The following CACNA1E variants were observed in gnomAD, a reference collection of about 807,000 sequenced individuals.
CACNA1E encodes the protein calcium voltage-gated channel subunit alpha1 E.
CACNA1E carries 40 observed loss-of-function variants against 259.2 expected under a neutral mutation model. That is an observed-to-expected ratio of 0.15 (90% CI 0.12 to 0.20). The LOEUF (loss-of-function observed/expected upper bound fraction) is 0.20, where lower values mean the gene tolerates loss of function less well. Among genes scored for constraint, CACNA1E ranks in the 10% least tolerant of loss-of-function variants. The probability of loss-of-function intolerance (pLI) is 1.00; values close to 1 mark genes in which losing one functional copy is unlikely to be tolerated. For synonymous variants in CACNA1E, 1,104 were observed against 1,138.5 expected, an observed-to-expected ratio of 0.97 and a Z score of 0.61; for missense variants, 1,874 against 3,040.1, an observed-to-expected ratio of 0.62 and a Z score of 9.02.
chr1:181,679,403 A>G (rs1649701864), intron 7 of CACNA1E, among the ~76,000 whole-genome samples: 1 of 152,150 alleles, frequency 6.6e-6, no homozygotes, highest in South Asian at 2.1e-4. Flanking sequence ...GCTTTGTCCT[A>G]CACTCTGCTG....
At chr1:181,570,425 A>G (rs1403857530) in intron 3 of CACNA1E, among the ~76,000 whole-genome samples, 1 of 152,222 alleles carries the variant, frequency 6.6e-6, no homozygotes, top group Non-Finnish European at 1.5e-5. Context: ...GATTTCCCAG[A>G]ATCTCTGACC....
At position 181,360,244 on chromosome 1, in the gene CACNA1E, G is replaced by C. The variant is rs546175364; in HGVS notation, c.-15+42121G>C. On this transcript the variant is annotated intron_variant, in intron 1 of 11. Transcript: ENST00000524607. ...CCGTATGACCCAGCACTTCCACTCCGAGGCATATACCCCAAAGAACCAATA... is the reference window on the plus strand; with the variant it reads ...CCGTATGACCCAGCACTTCCACTCCCAGGCATATACCCCAAAGAACCAATA... Among the ~76,000 whole-genome samples the C allele has an allele frequency of 2.6e-5, 4 of 152,228 alleles. No individual in the cohort carries two copies. In the East Asian group the frequency reaches 7.7e-4, roughly 29 times the overall value.
At chr1:181,417,281 G>C (rs1041517974) in intron 2 of CACNA1E, among the ~76,000 whole-genome samples, 6 of 152,170 alleles carry the variant, frequency 3.9e-5, no homozygotes, top group African/African-American at 1.4e-4. Flanking sequence ...AGATAAAATA[G>C]TGACCTTTCA....
At chr1:181,375,550 C>A (rs1409721626) in intron 1 of CACNA1E, among the ~76,000 whole-genome samples, 5 of 152,182 alleles carry the variant, frequency 3.3e-5, no homozygotes, top group African/African-American at 4.8e-5. Context: ...ATTCTAGGAA[C>A]TATTCTAAAC....
At chr1:181,730,580 G>T (rs1386816402) in intron 18 of CACNA1E, among the ~76,000 whole-genome samples, 3 of 152,230 alleles carry the variant, frequency 2.0e-5, no homozygotes, top group Non-Finnish European at 2.9e-5. Context: ...AAAGGCAGAG[G>T]TCACTGCTCA....
intron 7 of CACNA1E, among the ~76,000 whole-genome samples, chr1:181,682,944 A>G (rs986128630): frequency 2.0e-5 from 3 of 152,204 alleles, no homozygotes; most frequent in African/African-American, 7.2e-5. Context: ...GGGCGGGAAC[A>G]CAGATCCAAA....
intron 7 of CACNA1E, among the ~76,000 whole-genome samples, chr1:181,692,155 G>T (rs1428595630): frequency 2.0e-5 from 3 of 152,096 alleles, no homozygotes; most frequent in Non-Finnish European, 2.9e-5. Flanking sequence ...ACTGCTGAAA[G>T]AAATCATAGA....
intron 18 of CACNA1E, among the ~76,000 whole-genome samples, chr1:181,730,549 G>C (rs1318972685): frequency 3.3e-5 from 5 of 152,206 alleles, no homozygotes; most frequent in Non-Finnish European, 5.9e-5. Context: ...AGGGTCTATG[G>C]CCAGGGCCTC....
At chr1:181,447,202 T>A (rs3845434) in intron 2 of CACNA1E, among the ~76,000 whole-genome samples, 1 of 149,928 alleles carries the variant, frequency 6.7e-6, no homozygotes, top group Non-Finnish European at 1.5e-5. Flanking sequence ...TTTGGGATTT[T>A]CCCCCCCTAT....
intron 39 of CACNA1E, among the ~76,000 whole-genome samples, chr1:181,782,807 A>G (rs931875606): frequency 2.0e-5 from 3 of 152,196 alleles, no homozygotes; most frequent in African/African-American, 7.2e-5. Flanking sequence ...GGCCACATCC[A>G]AAAGTACCAG....
At chr1:181,747,435 C>A (rs1398967653) in intron 25 of CACNA1E, among the ~76,000 whole-genome samples, 2 of 138,122 alleles carry the variant, frequency 1.4e-5, no homozygotes, top group Admixed American at 1.5e-4. Context: ...ACTGATGAAA[C>A]AAGAAAAATC....
At chr1:181,772,304 C>A (rs757279466) in intron 37 of CACNA1E, 73 bp downstream of exon 37, 2 of 1,459,266 alleles carry the variant, frequency 1.4e-6, no homozygotes, top group Admixed American at 1.8e-5. Flanking sequence ...ATACATAGAC[C>A]GGAGATGTTT....
intron 1 of CACNA1E, among the ~76,000 whole-genome samples, chr1:181,384,676 T>C (rs1177613026): frequency 1.3e-5 from 2 of 152,112 alleles, no homozygotes; most frequent in Admixed American, 6.5e-5. Flanking sequence ...GTGCTTCTCC[T>C]CCTATCTTGG....
rs528355741 is a variant in CACNA1E, at chr1:181,792,180, G to C, written c.5899-1485G>C. The stretch of plus-strand genomic sequence containing the variant: ...TTTTGCCTGCCTGGCGATGTGTCTA[G>C]TGGGAAAAAAATCTCAATAATGTGT... On this transcript the variant is annotated intron_variant, in intron 44 of 47. Transcript: ENST00000367573. Among the ~76,000 whole-genome samples the C allele has an allele frequency of 9.9e-5, 15 of 151,704 alleles. No individual in the cohort carries two copies. The South Asian group carries it at 2.3e-3, about 23-fold the overall frequency.
At chr1:181,385,610 T>C (rs538232432) in intron 1 of CACNA1E, among the ~76,000 whole-genome samples, 1 of 152,314 alleles carries the variant, frequency 6.6e-6, no homozygotes, top group African/African-American at 2.4e-5. Context: ...CTCCAGCTAT[T>C]CTGTTACTTA....
intron 3 of CACNA1E, among the ~76,000 whole-genome samples, chr1:181,564,437 C>A (rs1375459248): frequency 6.6e-6 from 1 of 152,206 alleles, no homozygotes; most frequent in African/African-American, 2.4e-5. Context: ...GAGATTGCAG[C>A]AATTCAGTCA....
At chr1:181,592,924 A>T (rs911360095) in intron 6 of CACNA1E, among the ~76,000 whole-genome samples, 11 of 152,068 alleles carry the variant, frequency 7.2e-5, no homozygotes, top group African/African-American at 2.7e-4. Flanking sequence ...TTGGGCTTTG[A>T]TATCTTCACT....
chr1:181,327,694 G>A (rs948550504), intron 1 of CACNA1E, among the ~76,000 whole-genome samples: 7 of 152,232 alleles, frequency 4.6e-5, no homozygotes, highest in Non-Finnish European at 7.3e-5. Flanking sequence ...TCTGGGTTGG[G>A]AGAATGAGGG....
upstream of CACNA1E, among the ~76,000 whole-genome samples, chr1:181,481,871 A>G (rs1241227812): frequency 6.6e-6 from 1 of 152,006 alleles, no homozygotes; most frequent in African/African-American, 2.4e-5. Context: ...GGTTTGAGAA[A>G]GTCCGTGGAG....
Sources: gnomAD v4.1 joint callset for allele counts (sites outside exome capture counted in the v4.1 genomes callset) on GRCh38, gnomAD v4.1.1 for gene constraint, MANE v1.5 for transcripts, NCBI Gene and HGNC (gene_info 2026-07-23, HGNC 2026-07-21) for gene names.